Variants in TSPAN15 observed in about 807,000 individuals in gnomAD.
The protein encoded by TSPAN15 is tetraspanin 15.
Under a neutral mutation model 34.5 loss-of-function variants are expected in TSPAN15, and 20 were observed. That is an observed-to-expected ratio of 0.58 (90% CI 0.41 to 0.84). The LOEUF (loss-of-function observed/expected upper bound fraction) is 0.84. Ranked by LOEUF, TSPAN15 falls within the 40% of genes least tolerant of loss-of-function variation. The pLI, the probability that TSPAN15 is intolerant of heterozygous loss-of-function variation, is 0.00. For synonymous variants in TSPAN15, 155 were observed against 153.9 expected (o/e 1.01, Z -0.05); for missense variants, 313 against 386.1 (o/e 0.81, Z 1.59).
chr10:69,504,357 A>C (rs987268897), intron 5 of TSPAN15, 81 bp from the exon 6 acceptor site: 3 of 1,408,006 alleles, frequency 2.1e-6, no homozygotes, highest in Non-Finnish European at 3.0e-6. Flanking sequence ...TTCGGTTTTC[A>C]TCTGTAAAAT....
At chr10:69,475,486 C>A (rs1241539768) in intron 1 of TSPAN15, among the ~76,000 whole-genome samples, 1 of 152,064 alleles carries the variant, frequency 6.6e-6, no homozygotes, top group Admixed American at 6.6e-5. Flanking sequence ...TTTGTTCTAC[C>A]GCTTCTACCT....
At chr10:69,500,238 G>A (rs1027431747) in intron 5 of TSPAN15, among the ~76,000 whole-genome samples, 8 of 152,158 alleles carry the variant, frequency 5.3e-5, no homozygotes, top group African/African-American at 7.2e-5. Flanking sequence ...AGCTCAGTTC[G>A]GCTGGAGGCC....
At chr10:69,528,745 T>C in the TSPAN15 span, among the ~76,000 whole-genome samples, 2 of 148,308 alleles carry the variant, frequency 1.3e-5, no homozygotes, top group East Asian at 2.5e-4. Flanking sequence ...GAGGGTGCCC[T>C]GATGAGAATG....
chr10:69,456,563 A>G (rs938476212), intron 1 of TSPAN15, among the ~76,000 whole-genome samples: 1 of 152,178 alleles, frequency 6.6e-6, no homozygotes, highest in African/African-American at 2.4e-5. Context: ...CGCCCATCAT[A>G]AATAGCAGGT....
At chr10:69,536,809 A>G in the TSPAN15 span, among the ~76,000 whole-genome samples, 1 of 151,914 alleles carries the variant, frequency 6.6e-6, no homozygotes, top group Non-Finnish European at 1.5e-5. Context: ...ACACGGCGAA[A>G]CCCCGTCTCT....
chr10:69,451,621 G>T lies in TSPAN15; in HGVS notation c.27G>T (p.Val9=). 6.5e-7 allele frequency: 1 copy of T among 1,529,522 alleles called. No individual in the cohort carries two copies. The highest frequency in any genetic ancestry group is 8.8e-7 in the Non-Finnish European group (1 of 1,136,012). The allele number at this position is 1,529,522 out of a possible 1,614,324, so 94.7% of individuals were successfully genotyped here. A position where few individuals can be genotyped will look rare whatever the true frequency, so the allele number is the denominator to read the frequency against. ...TGCCGCGCGGGGACTCGGAGCAGGT[G>T]CGCTACTGCGCGCGCTTCTCCTACC... MPRGDSEQ[V]RYCARFSYLW... The change falls in exon 1 of 8, where the codon GTG becomes GTT. Residue 9 remains valine, a synonymous_variant. Transcript: ENST00000373290.
intron 1 of TSPAN15, among the ~76,000 whole-genome samples, chr10:69,454,384 GGT>G (rs1470648130): frequency 6.6e-6 from 1 of 152,116 alleles, no homozygotes; most frequent in Non-Finnish European, 1.5e-5. Context: ...CAGGCGTGGT[GGT>G]GTGTGCCTGT....
At chr10:69,465,927 A>C (rs1477453514) in intron 1 of TSPAN15, among the ~76,000 whole-genome samples, 1 of 152,240 alleles carries the variant, frequency 6.6e-6, no homozygotes. Context: ...AAGTTACAAG[A>C]CATTGCTAAC....
the TSPAN15 span, among the ~76,000 whole-genome samples, chr10:69,531,952 A>AAAAAAAAAAAAAAAC: frequency 9.9e-6 from 1 of 100,820 alleles, no homozygotes; most frequent in East Asian, 2.8e-4. Context: ...AAAAAAAAAC[A>AAAAAAAAAAAAAAAC]AAAAAAAAAC....
chr10:69,479,241 G>A lies in TSPAN15; in HGVS notation c.97-4450G>A, dbSNP rs112566328. Among the ~76,000 whole-genome samples the A allele has an allele frequency of 9.9e-3, 1,503 of 152,332 alleles. 34 individuals are homozygous for A. Among genetic ancestry groups the A allele is most frequent in the African/African-American group, 0.034 (1,416 of 41,566 alleles). ...CCAGCTGTGGTGAGCCAGCCGGCAC[G>A]GGTGACCAGATGCTTCCTTCAGGAG... On this transcript the variant is annotated intron_variant, in intron 1 of 7. Transcript: ENST00000373290.
At chr10:69,530,069 A>G in the TSPAN15 span, among the ~76,000 whole-genome samples, 7 of 148,058 alleles carry the variant, frequency 4.7e-5, no homozygotes, top group South Asian at 1.5e-3. Context: ...GTGTGTTTAT[A>G]TATAGGTATC....
At chr10:69,524,116 T>C in the TSPAN15 span, among the ~76,000 whole-genome samples, 1 of 148,016 alleles carries the variant, frequency 6.8e-6, no homozygotes, top group East Asian at 2.5e-4. Flanking sequence ...ATTAACAAAA[T>C]CAGTGTGGCC....
At chr10:69,473,098 G>A (rs1841539711) in intron 1 of TSPAN15, among the ~76,000 whole-genome samples, 1 of 152,196 alleles carries the variant, frequency 6.6e-6, no homozygotes, top group Non-Finnish European at 1.5e-5. Context: ...TAGATATTCA[G>A]AAGTGGAGAG....
rs758599285 is a variant in TSPAN15, at chr10:69,504,419, T to C, written c.571-19T>C. On this transcript the variant is annotated intron_variant, in intron 5 of 7. Coordinates refer to ENST00000373290, the MANE Select transcript of TSPAN15 (RefSeq NM_012339.5). ...TTAGAACCATTATAAATATTAGCTA[T>C]TATACATTTCCATTTCAGACAGAAG... The C allele has an allele frequency of 1.9e-6, 3 of 1,610,352 alleles. No homozygotes were observed. Among genetic ancestry groups the C allele is most frequent in the Non-Finnish European group, 2.5e-6 (3 of 1,176,590 alleles).
chr10:69,458,660 G>GAGGT (rs943335252), intron 1 of TSPAN15, among the ~76,000 whole-genome samples: 3 of 152,140 alleles, frequency 2.0e-5, no homozygotes, highest in African/African-American at 7.2e-5. Context: ...CGGGCACAGA[G>GAGGT]AGGTCCTCCC....
downstream of TSPAN15, among the ~76,000 whole-genome samples, chr10:69,507,907 A>G (rs922487954): frequency 6.6e-6 from 1 of 151,542 alleles, no homozygotes; most frequent in Non-Finnish European, 1.5e-5. Context: ...CTCCACCTCC[A>G]GGAAATGGGG....
the TSPAN15 span, among the ~76,000 whole-genome samples, chr10:69,547,241 T>C: frequency 6.6e-6 from 1 of 152,130 alleles, no homozygotes; most frequent in African/African-American, 2.4e-5. Flanking sequence ...ACAAAACTCC[T>C]ATCACTTGCT....
intron 3 of TSPAN15, among the ~76,000 whole-genome samples, chr10:69,489,094 G>A (rs573549477): frequency 9.9e-5 from 15 of 152,278 alleles, no homozygotes; most frequent in African/African-American, 2.6e-4. Flanking sequence ...CAGAGCGGCC[G>A]TTTATAGACC....
Position 69,458,831 on chromosome 10 carries a change from G to A in TSPAN15, c.96+7141G>A, listed in dbSNP as rs116931987. ...TAACCTAGACTTTGTACATGGTCTC[G>A]TTCCCCGCTTTAATAGAGGAATTGC... On this transcript the variant is annotated intron_variant, in intron 1 of 7. Transcript: ENST00000373290. Among the ~76,000 whole-genome samples, 172 of 152,260 alleles carry A rather than the reference G, an allele frequency of 1.1e-3. 1 individual carries two copies. The East Asian group carries it at 0.019, about 17-fold the overall frequency.
Sources: allele counts gnomAD v4.1 joint callset (sites outside exome capture counted in the v4.1 genomes callset), GRCh38; gene constraint gnomAD v4.1.1; transcripts MANE v1.5; gene names NCBI Gene and HGNC (gene_info 2026-07-23, HGNC 2026-07-21).